Variants in LIMCH1 observed in about 807,000 individuals in gnomAD.
The protein encoded by LIMCH1 is LIM and calponin homology domains 1.
LIMCH1 carries 113 observed loss-of-function variants against 176.5 expected under a neutral mutation model. The ratio of observed to expected loss-of-function variants is 0.64; its 90% CI spans 0.55 to 0.75. The LOEUF (loss-of-function observed/expected upper bound fraction) is 0.75. LIMCH1 is among the 30% of genes least tolerant of loss of function. The pLI is 0.00. For synonymous variants in LIMCH1, 619 were observed against 645.9 expected, an observed-to-expected ratio of 0.96 and a Z score of 0.63; for missense variants, 1,674 against 1,814.9, an observed-to-expected ratio of 0.92 and a Z score of 1.41.
chr4:41,373,660 A>G (rs1486916721), intron 1 of LIMCH1, among the ~76,000 whole-genome samples: 2 of 152,254 alleles, frequency 1.3e-5, no homozygotes, highest in South Asian at 2.1e-4. Flanking sequence ...GTGAATGGCT[A>G]AGGGTTTTAC....
intron 2 of LIMCH1, among the ~76,000 whole-genome samples, chr4:41,516,145 T>C (rs2075561898): frequency 6.6e-6 from 1 of 152,122 alleles, no homozygotes; most frequent in African/African-American, 2.4e-5. Context: ...TTGTAGCTTA[T>C]AAAAGCAGGG....
At chr4:41,531,105 G>A (rs958203310) in intron 3 of LIMCH1, among the ~76,000 whole-genome samples, 6 of 152,010 alleles carry the variant, frequency 3.9e-5, no homozygotes, top group Non-Finnish European at 5.9e-5. Context: ...CTTTTCTACT[G>A]TGTTATACTC....
intron 2 of LIMCH1, among the ~76,000 whole-genome samples, chr4:41,522,287 A>G (rs1408759291): frequency 6.6e-6 from 1 of 152,140 alleles, no homozygotes; most frequent in Non-Finnish European, 1.5e-5. Flanking sequence ...CCTCCAAAAT[A>G]TATTGTTAAG....
chr4:41,650,623 T>C lies in LIMCH1; in HGVS notation c.3036+15T>C. The C allele has an allele frequency of 6.3e-7, 1 of 1,592,870 alleles. No individual in the cohort carries two copies. On this transcript the variant is annotated intron_variant, in intron 18 of 31. Transcript: ENST00000503057. ...AAGAGCTCGCAGTAAGAACCAAACATTTCCCCGCCTCCCTTTGGGATAATT... is the reference window on the plus strand; with the variant it reads ...AAGAGCTCGCAGTAAGAACCAAACACTTCCCCGCCTCCCTTTGGGATAATT...
rs768606597 is a variant in LIMCH1, at chr4:41,684,434, G to A, written c.3883G>A (p.Val1295Ile). 9 of 1,613,674 alleles carry A rather than the reference G, an allele frequency of 5.6e-6. No individual in the cohort carries two copies. Among genetic ancestry groups the A allele is most frequent in the East Asian group, 4.5e-5 (2 of 44,838 alleles). ...GGCCTTGGCTCATTCTGGGAACCCT[G>A]TATCAAAAGGAGTCCATGAAGACCA... ...EGALAHSGNP[V>I]SKGVHEDHQL... Residue 1295 changes from valine (V) to isoleucine (I), a missense_variant, in exon 27 of 32, where the codon GTA becomes ATA. Physicochemically the swap from Val to Ile is conservative, Grantham distance 29. Transcript: ENST00000503057.
chr4:41,685,933 A>T, intron 28 of LIMCH1, 103 bp downstream of exon 28: 1 of 1,250,484 alleles, frequency 8.0e-7, no homozygotes, highest in South Asian at 1.5e-5. Context: ...GGACAGCAGC[A>T]TTTTTGTGCT....
chr4:41,439,589 A>G (rs1199090728), intron 1 of LIMCH1, among the ~76,000 whole-genome samples: 1 of 152,088 alleles, frequency 6.6e-6, no homozygotes, highest in Admixed American at 6.5e-5. Flanking sequence ...GTCTCATTAA[A>G]AAAAAAAGAA....
chr4:41,450,715 A>G (rs2063769633), intron 1 of LIMCH1, among the ~76,000 whole-genome samples: 1 of 150,758 alleles, frequency 6.6e-6, no homozygotes, highest in Non-Finnish European at 1.5e-5. Context: ...GAATTGTTTG[A>G]ACCCGGTAGG....
At chr4:41,602,740 G>A (rs1268414503) in intron 2 of LIMCH1, among the ~76,000 whole-genome samples, 2 of 151,900 alleles carry the variant, frequency 1.3e-5, no homozygotes, top group Non-Finnish European at 1.5e-5. Context: ...CCTAGGAGGT[G>A]TAGGTTGCAG....
intron 5 of LIMCH1, among the ~76,000 whole-genome samples, chr4:41,617,093 ATG>A (rs896417430): frequency 6.6e-6 from 1 of 152,010 alleles, no homozygotes; most frequent in African/African-American, 2.4e-5. Flanking sequence ...ATATCTATAT[ATG>A]TGTGTGTATA....
intron 1 of LIMCH1, among the ~76,000 whole-genome samples, chr4:41,437,326 T>A (rs1268780390): frequency 6.6e-6 from 1 of 152,226 alleles, no homozygotes; most frequent in Non-Finnish European, 1.5e-5. Flanking sequence ...AGCTTGATGC[T>A]GATGTTATAA....
chr4:41,564,268 T>TA (rs2082428179), intron 1 of LIMCH1, among the ~76,000 whole-genome samples: 1 of 152,144 alleles, frequency 6.6e-6, no homozygotes, highest in African/African-American at 2.4e-5. Context: ...TTCAGATAGC[T>TA]AAATCCAGAG....
chr4:41,637,559 T>C (rs1392453165), intron 13 of LIMCH1, among the ~76,000 whole-genome samples: 2 of 152,220 alleles, frequency 1.3e-5, no homozygotes, highest in Admixed American at 6.5e-5. Flanking sequence ...AAATTGAGAA[T>C]ATTAGGTTCA....
chr4:41,371,914 A>G (rs2054020633), intron 1 of LIMCH1, among the ~76,000 whole-genome samples: 1 of 152,258 alleles, frequency 6.6e-6, no homozygotes, highest in South Asian at 2.1e-4. Context: ...TTGGGAAATA[A>G]GAGAAGCATG....
chr4:41,411,637 A>G (rs973345644), intron 1 of LIMCH1, among the ~76,000 whole-genome samples: 2 of 151,526 alleles, frequency 1.3e-5, no homozygotes, highest in Non-Finnish European at 2.9e-5. Flanking sequence ...GTGGTCCACC[A>G]TCTGCCAATG....
At chr4:41,547,861 G>GTATATATA (rs746652816) in intron 1 of LIMCH1, among the ~76,000 whole-genome samples, 549 of 84,814 alleles carry the variant, frequency 6.5e-3, no homozygotes, top group South Asian at 0.022. Context: ...ATTTGTGTGT[G>GTATATATA]TGTATATATA....
chr4:41,374,512 A>G (rs991902620), intron 1 of LIMCH1, among the ~76,000 whole-genome samples: 2 of 151,714 alleles, frequency 1.3e-5, no homozygotes, highest in African/African-American at 4.8e-5. Context: ...TTAAAAATGT[A>G]TTTCTTATTT....
chr4:41,605,344 T>C (rs149690319), intron 3 of LIMCH1, among the ~76,000 whole-genome samples: 51 of 152,340 alleles, frequency 3.3e-4, no homozygotes, highest in Middle Eastern at 3.4e-3. Context: ...GACACTGCTT[T>C]CTTTTGACTT....
intron 13 of LIMCH1, among the ~76,000 whole-genome samples, chr4:41,636,051 C>T (rs1052034812): frequency 1.3e-5 from 2 of 152,022 alleles, no homozygotes; most frequent in African/African-American, 2.4e-5. Flanking sequence ...GGACCACAGG[C>T]GTACACCACT....
Sources: gnomAD v4.1 joint callset for allele counts (sites outside exome capture counted in the v4.1 genomes callset) on GRCh38, gnomAD v4.1.1 for gene constraint, MANE v1.5 for transcripts, NCBI Gene and HGNC (gene_info 2026-07-23, HGNC 2026-07-21) for gene names.